The following CCDC15 variants were observed in gnomAD, a reference collection of about 807,000 sequenced individuals.
CCDC15 encodes the protein coiled-coil domain-containing protein 15.
A neutral mutation model predicts 114.5 loss-of-function variants in CCDC15; 105 were observed. The ratio of observed to expected loss-of-function variants is 0.92; its 90% CI spans 0.78 to 1.08. CCDC15 has a LOEUF of 1.08. CCDC15 is among the 50% of genes least tolerant of loss of function. The pLI is 0.00. For missense variants in CCDC15, 1,105 were observed against 1,093.6 expected (o/e 1.01, Z -0.15); for synonymous variants, 334 against 377.8 (o/e 0.88, Z 1.34).
intron 14 of CCDC15, 21 bp from the exon 15 acceptor site, chr11:125,038,900 G>T: frequency 6.2e-7 from 1 of 1,600,618 alleles, no homozygotes; most frequent in Non-Finnish European, 8.5e-7. Flanking sequence ...CACTTTGCCT[G>T]ATTATACTTT....
At chr11:124,974,544 G>C (rs1038582634) in intron 4 of CCDC15, among the ~76,000 whole-genome samples, 3 of 152,154 alleles carry the variant, frequency 2.0e-5, no homozygotes, top group African/African-American at 7.2e-5. Flanking sequence ...ATTTAGGAAG[G>C]CTTCTTGGAG....
chr11:125,032,939 C>T (rs111743113), intron 13 of CCDC15, among the ~76,000 whole-genome samples: 2,182 of 152,280 alleles, frequency 0.014, 52 homozygotes, highest in African/African-American at 0.049. Context: ...CAGTAGTCCC[C>T]GAAACGTCTG....
Position 124,954,819 on chromosome 11 carries a change from G to T in CCDC15, c.87G>T (p.Leu29Phe), listed in dbSNP as rs780657142. The T allele has an allele frequency of 8.1e-6, 13 of 1,613,904 alleles. No homozygotes were observed. The Admixed American group carries it at 2.2e-4, about 27-fold the overall frequency. The change falls in exon 2 of 16, where the codon TTG becomes TTT. Residue 29 changes from leucine (L) to phenylalanine (F), a missense_variant. Physicochemically the swap from Leu to Phe is conservative, Grantham distance 22. Coordinates refer to ENST00000344762, the MANE Select transcript of CCDC15 (RefSeq NM_025004.3). ...ALNPLKSKDV[L>F]AVLAERNEAI... ...ACCCCCTGAAGAGCAAGGACGTGTTGGCAGTGCTGGCTGAGAGGAACGAGG... is the reference window on the plus strand; with the variant it reads ...ACCCCCTGAAGAGCAAGGACGTGTTTGCAGTGCTGGCTGAGAGGAACGAGG...
At chr11:124,982,400 A>C (rs978250607) in intron 6 of CCDC15, among the ~76,000 whole-genome samples, 2 of 152,174 alleles carry the variant, frequency 1.3e-5, no homozygotes, top group African/African-American at 4.8e-5. Context: ...TATGTACTTA[A>C]GTGTGTTTTT....
intron 4 of CCDC15, among the ~76,000 whole-genome samples, chr11:124,972,177 T>C (rs1446009131): frequency 6.6e-6 from 1 of 152,198 alleles, no homozygotes. Context: ...GTAATTCATC[T>C]TCATCAGGGA....
chr11:124,984,293 G>A (rs1314286274), intron 6 of CCDC15, among the ~76,000 whole-genome samples: 2 of 152,098 alleles, frequency 1.3e-5, no homozygotes, highest in African/African-American at 2.4e-5. Context: ...GGTCTGCTGT[G>A]ATGGTCAGGC....
intron 6 of CCDC15, among the ~76,000 whole-genome samples, chr11:124,981,078 A>AT (rs1243835892): frequency 6.6e-6 from 1 of 152,068 alleles, no homozygotes; most frequent in Non-Finnish European, 1.5e-5. Flanking sequence ...GTTTTGAGTG[A>AT]TTTTCTTAGC....
chr11:125,014,462 T>A (rs1948615521), intron 13 of CCDC15, among the ~76,000 whole-genome samples: 1 of 152,178 alleles, frequency 6.6e-6, no homozygotes, highest in Non-Finnish European at 1.5e-5. Context: ...ATACTAGTAT[T>A]AGTAGACTTT....
chr11:124,963,374 A>G (rs372231365), intron 4 of CCDC15, among the ~76,000 whole-genome samples: 2 of 152,058 alleles, frequency 1.3e-5, no homozygotes, highest in Non-Finnish European at 2.9e-5. Context: ...GTTTTGATTT[A>G]CATTTCTCTG....
At chr11:124,979,584 G>T (rs1948031027) in intron 6 of CCDC15, among the ~76,000 whole-genome samples, 1 of 151,856 alleles carries the variant, frequency 6.6e-6, no homozygotes, top group Non-Finnish European at 1.5e-5. Flanking sequence ...TCTTAGCTTG[G>T]GTATTGTTGG....
At chr11:124,986,256 G>T (rs1948154412) in intron 6 of CCDC15, among the ~76,000 whole-genome samples, 2 of 152,042 alleles carry the variant, frequency 1.3e-5, no homozygotes, top group African/African-American at 4.8e-5. Flanking sequence ...ATAACTTTGT[G>T]GTAACTTTTG....
At chr11:124,967,392 C>G (rs1479688165) in intron 4 of CCDC15, among the ~76,000 whole-genome samples, 1 of 152,174 alleles carries the variant, frequency 6.6e-6, no homozygotes, top group East Asian at 1.9e-4. Context: ...GATCTTCAGT[C>G]ACTGATACCC....
chr11:124,994,795 T>C (rs1033236406), intron 11 of CCDC15, among the ~76,000 whole-genome samples: 2 of 152,216 alleles, frequency 1.3e-5, no homozygotes. Flanking sequence ...GATTTTTCCG[T>C]GGCTTAACTG....
chr11:125,013,674 A>G (rs1391859094), intron 13 of CCDC15, among the ~76,000 whole-genome samples: 2 of 152,178 alleles, frequency 1.3e-5, no homozygotes, highest in Admixed American at 6.5e-5. Context: ...ATTAACGTAT[A>G]TAGGGAATGT....
chr11:125,005,149 A>G lies in CCDC15; in HGVS notation c.2348A>G (p.Asp783Gly). The G allele has an allele frequency of 6.4e-7, 1 of 1,571,898 alleles. No individual in the cohort carries two copies. Among genetic ancestry groups the G allele is most frequent in the Admixed American group, 1.8e-5 (1 of 54,842 alleles). Residue 783 changes from aspartate (D) to glycine (G), a missense_variant, in exon 13 of 16, where the codon GAT becomes GGT. Transcript: ENST00000344762. ...QYLRHRRLFM[D>G]IEREQVKEQQ... is the part of the protein sequence containing the mutation. ...CTGAGACATAGACGACTTTTCATGG[A>G]TATTGAGAGAGAACAAGTTAAAGAA... is the stretch of plus-strand genomic sequence containing the variant.
intron 6 of CCDC15, among the ~76,000 whole-genome samples, chr11:124,981,038 C>A (rs1462712782): frequency 6.6e-6 from 1 of 152,132 alleles, no homozygotes; most frequent in Non-Finnish European, 1.5e-5. Flanking sequence ...CATTCAGGAG[C>A]AGGTTGTTTA....
chr11:124,966,609 T>C (rs566951582), intron 4 of CCDC15, among the ~76,000 whole-genome samples: 1 of 152,344 alleles, frequency 6.6e-6, no homozygotes, highest in African/African-American at 2.4e-5. Context: ...TGCCAGTCTG[T>C]GTCTTTTAAT....
At chr11:124,996,817 C>T (rs2135502192) in intron 11 of CCDC15, among the ~76,000 whole-genome samples, 1 of 152,312 alleles carries the variant, frequency 6.6e-6, no homozygotes, top group East Asian at 1.9e-4. Context: ...CCCTTTTGTG[C>T]CTGCCTTATT....
chr11:125,038,624 A>G lies in CCDC15; in HGVS notation c.2585+20A>G, dbSNP rs891590871. On this transcript the variant is annotated intron_variant, in intron 14 of 15. Coordinates refer to ENST00000344762, the MANE Select transcript of CCDC15 (RefSeq NM_025004.3). ...CCTGAGGTAATTTGAAAAGGTCTTC[A>G]TGATATTTTGGCTCTAGAAGAGACT... is the stretch of plus-strand genomic sequence containing the variant. The G allele has an allele frequency of 1.8e-5, 27 of 1,524,922 alleles. No individual in the cohort carries two copies. Among genetic ancestry groups the G allele is most frequent in the East Asian group, 2.4e-5 (1 of 42,284 alleles). 94.5% of individuals were successfully genotyped at this position (1,524,922 alleles called of 1,614,324 possible).
Sources: gnomAD v4.1 joint callset for allele counts (sites outside exome capture counted in the v4.1 genomes callset) on GRCh38, gnomAD v4.1.1 for gene constraint, MANE v1.5 for transcripts, NCBI Gene and HGNC (gene_info 2026-07-23, HGNC 2026-07-21) for gene names.